HBEGF: variants seen among roughly 807,000 people sequenced by gnomAD.
The protein encoded by HBEGF is proheparin-binding EGF-like growth factor.
A neutral mutation model predicts 19.5 loss-of-function variants in HBEGF; 8 were observed. The ratio of observed to expected loss-of-function variants is 0.41; its 90% CI spans 0.24 to 0.74. The LOEUF (loss-of-function observed/expected upper bound fraction) is 0.74. Ranked by LOEUF, HBEGF falls within the 30% of genes least tolerant of loss-of-function variation. The pLI is 0.32. For synonymous variants in HBEGF, 97 were observed against 108.9 expected, an observed-to-expected ratio of 0.89 and a Z score of 0.68; for missense variants, 207 against 256.9, an observed-to-expected ratio of 0.81 and a Z score of 1.33.
rs1766193825 is a variant in HBEGF at position 140,334,181 on chromosome 5, C to A, written c.*118G>T. 1 of 155,778 alleles carries A rather than the reference C, an allele frequency of 6.4e-6. No homozygotes were observed. Among genetic ancestry groups the A allele is most frequent in the Admixed American group, 6.4e-5 (1 of 15,652 alleles). 9.6% of individuals were successfully genotyped at this position (155,778 alleles called of 1,614,324 possible). A position where few individuals can be genotyped will look rare whatever the true frequency, so the allele number is the denominator to read the frequency against. ...TGGGAGGCCCAATCCTAGACGGCAACTGGGGACGAAGGAGTCTTTGTGACT... is the reference window on the plus strand; with the variant it reads ...TGGGAGGCCCAATCCTAGACGGCAAATGGGGACGAAGGAGTCTTTGTGACT... On this transcript the variant is annotated 3_prime_UTR_variant, in exon 6 of 6. Transcript: ENST00000230990.
intron 2 of HBEGF, among the ~76,000 whole-genome samples, chr5:140,345,290 C>T (rs939436355): frequency 6.6e-6 from 1 of 152,198 alleles, no homozygotes; most frequent in African/African-American, 2.4e-5. Flanking sequence ...TTGGAGTCTC[C>T]TCAGGAATGC....
chr5:140,337,433 C>T (rs1190206798), intron 3 of HBEGF, among the ~76,000 whole-genome samples: 1 of 152,206 alleles, frequency 6.6e-6, no homozygotes, highest in African/African-American at 2.4e-5. Context: ...TGCCTGAGGA[C>T]TTTAGACCAC....
chr5:140,343,354 C>T (rs2126719278), intron 2 of HBEGF, among the ~76,000 whole-genome samples: 1 of 152,284 alleles, frequency 6.6e-6, no homozygotes, highest in African/African-American at 2.4e-5. Flanking sequence ...TCTTCTGGGG[C>T]ACCCCTTAGT....
intron 3 of HBEGF, 81 bp downstream of exon 3, chr5:140,342,554 A>AAGGAAGAGTGACAACG: frequency 7.6e-7 from 1 of 1,312,148 alleles, no homozygotes; most frequent in South Asian, 1.2e-5. Flanking sequence ...TTATGAATTC[A>AAGGAAGAGTGACAACG]AGGAACAGTG....
chr5:140,337,150 A>G (rs1766240874), intron 3 of HBEGF, among the ~76,000 whole-genome samples: 1 of 152,136 alleles, frequency 6.6e-6, no homozygotes, highest in South Asian at 2.1e-4. Flanking sequence ...CTTTTCTAAC[A>G]CAAAGCATTT....
At chr5:140,343,428 T>C (rs767137773) in intron 2 of HBEGF, among the ~76,000 whole-genome samples, 1 of 152,214 alleles carries the variant, frequency 6.6e-6, no homozygotes, top group Non-Finnish European at 1.5e-5. Flanking sequence ...GTCACGGCCT[T>C]GCTTTTTCAA....
chr5:140,337,819 C>T (rs762096913), intron 3 of HBEGF, among the ~76,000 whole-genome samples: 1 of 152,198 alleles, frequency 6.6e-6, no homozygotes, highest in Non-Finnish European at 1.5e-5. Context: ...AAAGCGACCC[C>T]TATCCTGCCA....
rs41445951 is a variant in HBEGF at position 140,346,030 on chromosome 5, G to T, written c.101C>A (p.Ala34Asp). Residue 34 changes from alanine to aspartate, a missense_variant, in exon 2 of 6, where the codon GCT becomes GAT. Ala to Asp is a moderately radical substitution (Grantham distance 126, BLOSUM62 -2). Coordinates refer to ENST00000230990, the MANE Select transcript of HBEGF (RefSeq NM_001945.3). The surrounding 1 kb of genome is among the most constrained non-coding windows in gnomAD (Gnocchi z 6.1). ...AGGGTCCGGGTTGCTGGTTCCAGCA[G>T]CTAGCCCTCTCCGAAGCCGCTCCAG... ...ESLERLRRGL[A>D]AGTSNPDPPT... is the part of the protein sequence containing the mutation. 2 of 1,613,942 alleles carry T rather than the reference G, an allele frequency of 1.2e-6. No individual in the cohort carries two copies. The highest frequency in any genetic ancestry group is 1.7e-6 in the Non-Finnish European group (2 of 1,179,976).
At chr5:140,343,373 C>A (rs2126719285) in intron 2 of HBEGF, among the ~76,000 whole-genome samples, 1 of 152,290 alleles carries the variant, frequency 6.6e-6, no homozygotes, top group East Asian at 1.9e-4. Context: ...GTACTATGAG[C>A]CCAGGGCAGA....
rs1272054677 is a variant in HBEGF, at chr5:140,346,567, G to C, written c.-239C>G. ...GACCCCGCGCGCCTAGGTCAGGCCA[G>C]CCAGCAGCGTGGCCCGCGTAGCTCC... On this transcript the variant is annotated 5_prime_UTR_variant, in exon 1 of 6. Transcript: ENST00000230990. The surrounding 1 kb of genome is among the most constrained non-coding windows in gnomAD (Gnocchi z 6.1). 1.2e-5 allele frequency: 7 copies of C among 570,436 alleles called. No homozygotes were observed. Among genetic ancestry groups the C allele is most frequent in the Non-Finnish European group, 1.5e-5 (5 of 322,786 alleles). The allele number at this position is 570,436 out of a possible 1,614,324, so 35.3% of individuals were successfully genotyped here.
intron 2 of HBEGF, among the ~76,000 whole-genome samples, 199 bp downstream of exon 2, chr5:140,345,712 C>T (rs1344672195): frequency 1.3e-5 from 2 of 152,106 alleles, no homozygotes; most frequent in Admixed American, 6.5e-5. Context: ...AGCAACCCAG[C>T]AGGTGAGGCA....
chr5:140,340,512 G>A (rs1766291577), intron 3 of HBEGF, among the ~76,000 whole-genome samples: 1 of 148,868 alleles, frequency 6.7e-6, no homozygotes, highest in Non-Finnish European at 1.5e-5. Flanking sequence ...GAACCCAGGA[G>A]GCAGAGGTTG....
chr5:140,334,567 C>T (rs1419827447), intron 5 of HBEGF, 91 bp downstream of exon 5: 1 of 855,782 alleles, frequency 1.2e-6, no homozygotes, highest in Admixed American at 1.7e-5. Flanking sequence ...TGGCCCCCAA[C>T]CCCTATATGA....
intron 2 of HBEGF, among the ~76,000 whole-genome samples, chr5:140,344,436 C>A (rs781366822): frequency 1.3e-5 from 2 of 152,160 alleles, no homozygotes; most frequent in Non-Finnish European, 2.9e-5. Flanking sequence ...ATGTGGATAG[C>A]CAAAGTAACT....
intron 4 of HBEGF, chr5:140,335,043 A>C: frequency 2.3e-6 from 1 of 439,102 alleles, no homozygotes. Flanking sequence ...CCTCAGAAAG[A>C]CAGTAACTTG....
chr5:140,336,828 C>CTTTTT (rs1160533557), intron 3 of HBEGF, among the ~76,000 whole-genome samples: 49 of 129,790 alleles, frequency 3.8e-4, no homozygotes, highest in Non-Finnish European at 6.5e-4. Context: ...TTTTCTTTTT[C>CTTTTT]TTTTTTTTTT....
Position 140,346,103 on chromosome 5 carries a change from G to A in HBEGF, c.47-19C>T, listed in dbSNP as rs572844529. The A allele has an allele frequency of 7.5e-5, 121 of 1,605,506 alleles. No homozygotes were observed. Among genetic ancestry groups the A allele is most frequent in the East Asian group, 3.4e-4 (15 of 44,706 alleles). Reference sequence around the variant, plus strand: ...GAGAGAACTGCGGGCGAGAGGCCAGGCCGCATCAGACACCCGCCCAGACCC... The same window carrying A: ...GAGAGAACTGCGGGCGAGAGGCCAGACCGCATCAGACACCCGCCCAGACCC... On this transcript the variant is annotated intron_variant, in intron 1 of 5. Coordinates refer to ENST00000230990, the MANE Select transcript of HBEGF (RefSeq NM_001945.3). The surrounding 1 kb of genome is among the most constrained non-coding windows in gnomAD (Gnocchi z 6.1).
intron 2 of HBEGF, among the ~76,000 whole-genome samples, chr5:140,344,011 G>C (rs893972135): frequency 3.9e-5 from 6 of 152,178 alleles, no homozygotes; most frequent in African/African-American, 1.4e-4. Context: ...GGTGGTGTGT[G>C]CCTGTTATCG....
Position 140,334,734 on chromosome 5 carries a change from C to T in HBEGF, c.569G>A (p.Gly190Glu), listed in dbSNP as rs1247783215. The change falls in exon 5 of 6, where the codon GGA becomes GAA. Residue 190 changes from glycine (G) to glutamate (E), a missense_variant. Gly to Glu is a moderately conservative substitution (Grantham distance 98). Coordinates refer to ENST00000230990, the MANE Select transcript of HBEGF (RefSeq NM_001945.3). ...CTCTTCATTTTCCACATCATAACCT[C>T]CTCTCCTATGGTACCTGAGGAAGAT... Reference protein sequence around the residue: ...GLLMFRYHRRGGYDVENEEKV... With the variant: ...GLLMFRYHRREGYDVENEEKV... 6.2e-7 allele frequency: 1 copy of T among 1,613,578 alleles called. No individual in the cohort carries two copies. The highest frequency in any genetic ancestry group is 8.5e-7 in the Non-Finnish European group (1 of 1,179,604).
Sources: gnomAD v4.1 joint callset for allele counts (sites outside exome capture counted in the v4.1 genomes callset) on GRCh38, gnomAD v4.1.1 for gene constraint, Gnocchi (gnomAD v3.1) non-coding constraint, MANE v1.5 for transcripts, NCBI Gene and HGNC (gene_info 2026-07-23, HGNC 2026-07-21) for gene names.